The following PDE4D variants were observed in gnomAD, a reference collection of about 807,000 sequenced individuals.
PDE4D encodes 3',5'-cyclic-AMP phosphodiesterase 4D.
A neutral mutation model predicts 87.4 loss-of-function variants in PDE4D; 24 were observed. The ratio of observed to expected loss-of-function variants is 0.27; its 90% CI spans 0.20 to 0.39. The LOEUF (loss-of-function observed/expected upper bound fraction) is 0.39, where lower values mean the gene tolerates loss of function less well. PDE4D is among the 10% of genes least tolerant of loss of function. PDE4D has a pLI of 1.00. For missense variants in PDE4D, 714 were observed against 1,041.0 expected, an observed-to-expected ratio of 0.69 and a Z score of 4.32; for synonymous variants, 384 against 383.2, an observed-to-expected ratio of 1.00 and a Z score of -0.02.
chr5:60,282,111 C>A (rs1751969768), intron 1 of PDE4D, among the ~76,000 whole-genome samples: 1 of 151,158 alleles, frequency 6.6e-6, no homozygotes, highest in Admixed American at 6.6e-5. Flanking sequence ...ACAAGTAAGT[C>A]ATTATCATTC....
rs368836001 is a variant in PDE4D at position 58,978,416 on chromosome 5, AAAAAG to A, written c.1553-1076_1553-1072del. Among the ~76,000 whole-genome samples the A allele has an allele frequency of 3.0e-3, 462 of 152,326 alleles. 2 individuals carry two copies. Among genetic ancestry groups the A allele is most frequent in the African/African-American group, 8.5e-3 (355 of 41,582 alleles). On this transcript the variant is annotated intron_variant, in intron 11 of 14. Coordinates refer to ENST00000340635, the MANE Select transcript of PDE4D (RefSeq NM_001104631.2). Reference sequence around the variant, plus strand: ...AGGCAACAGAGCAAGACTCTGTTTCAAAAAGAAAAGAAAAGAAAAGAAAAAGGTTA... The same window carrying A: ...AGGCAACAGAGCAAGACTCTGTTTCAAAAAGAAAAGAAAAGAAAAAGGTTA...
intron 1 of PDE4D, among the ~76,000 whole-genome samples, chr5:60,378,178 G>T (rs893602085): frequency 6.6e-6 from 1 of 152,118 alleles, no homozygotes; most frequent in Non-Finnish European, 1.5e-5. Flanking sequence ...CAAATACACT[G>T]GTATTTCAAT....
At chr5:59,929,782 A>T (rs945400339) in intron 3 of PDE4D, among the ~76,000 whole-genome samples, 2 of 152,196 alleles carry the variant, frequency 1.3e-5, no homozygotes, top group Non-Finnish European at 2.9e-5. Flanking sequence ...GTTACTGCCT[A>T]AGACAAGCCC....
At chr5:59,674,490 T>C (rs1204976535) in intron 1 of PDE4D, among the ~76,000 whole-genome samples, 1 of 152,230 alleles carries the variant, frequency 6.6e-6, no homozygotes, top group Non-Finnish European at 1.5e-5. Context: ...ATTTAGAGTC[T>C]ATCTACCACA....
intron 3 of PDE4D, among the ~76,000 whole-genome samples, chr5:59,936,226 G>C (rs1215050138): frequency 2.6e-5 from 4 of 152,122 alleles, no homozygotes; most frequent in Non-Finnish European, 2.9e-5. Flanking sequence ...TAGGGGGAAG[G>C]GGGAGGGATA....
intron 1 of PDE4D, among the ~76,000 whole-genome samples, chr5:59,492,290 C>A (rs1054579291): frequency 6.6e-6 from 1 of 152,138 alleles, no homozygotes; most frequent in African/African-American, 2.4e-5. Flanking sequence ...GTAGAACATT[C>A]ACTAGAGAAT....
chr5:59,568,103 T>C (rs777184381), intron 1 of PDE4D, among the ~76,000 whole-genome samples: 4 of 152,172 alleles, frequency 2.6e-5, no homozygotes, highest in African/African-American at 9.7e-5. Flanking sequence ...GAAGGAGTTA[T>C]ATTGTTGATA....
In PDE4D at chr5:59,907,586, CTAAAA is replaced by C. The variant is rs1239283344; in HGVS notation, c.272+80897_272+80901del. The stretch of plus-strand genomic sequence containing the variant: ...CAAACCTGCACATGTACCCCTGAAC[CTAAAA>C]TAAAAGTTAAAAAAGAGAAAATACT... On this transcript the variant is annotated intron_variant, in intron 3 of 16. Coordinates refer to the PDE4D transcript ENST00000502484. 6.6e-5 allele frequency among the ~76,000 whole-genome samples: 10 copies of C among 152,174 alleles called. No homozygotes were observed. The South Asian group carries it at 1.5e-3, about 22-fold the overall frequency.
intron 2 of PDE4D, among the ~76,000 whole-genome samples, chr5:60,136,591 T>C (rs1780070734): frequency 6.6e-6 from 1 of 152,062 alleles, no homozygotes; most frequent in Non-Finnish European, 1.5e-5. Context: ...CTGGGTATCA[T>C]GTTATTTTTA....
chr5:59,833,779 A>AT (rs1741603465), intron 1 of PDE4D, among the ~76,000 whole-genome samples: 1 of 152,074 alleles, frequency 6.6e-6, no homozygotes, highest in Non-Finnish European at 1.5e-5. Context: ...TTACAGGATT[A>AT]TAAAAACCAC....
chr5:59,812,608 C>T lies in PDE4D; in HGVS notation c.455+80560G>A, dbSNP rs529049702. ...GAATGGCTTGAACCTGGGAGGCGGACGTTGCAGTGAGCCAAGATCGTGTCA... is the reference window on the plus strand; with the variant it reads ...GAATGGCTTGAACCTGGGAGGCGGATGTTGCAGTGAGCCAAGATCGTGTCA... On this transcript the variant is annotated intron_variant, in intron 1 of 14. Transcript: ENST00000340635. Among the ~76,000 whole-genome samples the T allele has an allele frequency of 4.0e-5, 6 of 151,334 alleles. No individual in the cohort carries two copies. The East Asian group carries it at 7.8e-4, about 20-fold the overall frequency.
intron 1 of PDE4D, among the ~76,000 whole-genome samples, chr5:59,816,457 G>C (rs1561707633): frequency 1.3e-5 from 2 of 152,268 alleles, no homozygotes; most frequent in East Asian, 3.9e-4. Flanking sequence ...ATGAGAGAAG[G>C]ATCCTGCCCT....
chr5:60,233,899 C>A (rs1562243871), intron 1 of PDE4D, among the ~76,000 whole-genome samples: 1 of 151,772 alleles, frequency 6.6e-6, no homozygotes, highest in Non-Finnish European at 1.5e-5. Flanking sequence ...ATGATCTTAA[C>A]CACTCCCCTG....
intron 1 of PDE4D, among the ~76,000 whole-genome samples, chr5:59,855,991 C>A (rs1309868167): frequency 6.6e-6 from 1 of 151,982 alleles, no homozygotes; most frequent in East Asian, 1.9e-4. Context: ...CAGCTTAGGA[C>A]TAGAGAATCT....
chr5:60,381,647 G>A (rs551084007), intron 1 of PDE4D, among the ~76,000 whole-genome samples: 1 of 152,172 alleles, frequency 6.6e-6, no homozygotes, highest in South Asian at 2.1e-4. Context: ...GAACTGGTGA[G>A]CTGGGAGGGT....
intron 1 of PDE4D, among the ~76,000 whole-genome samples, chr5:60,470,799 T>G (rs952996136): frequency 6.6e-6 from 1 of 152,198 alleles, no homozygotes; most frequent in Non-Finnish European, 1.5e-5. Context: ...AAAAGATTCC[T>G]TTCAAAATAT....
intron 1 of PDE4D, among the ~76,000 whole-genome samples, chr5:59,844,094 T>C (rs1322628896): frequency 2.6e-5 from 4 of 152,228 alleles, no homozygotes; most frequent in African/African-American, 9.6e-5. Flanking sequence ...AGCTAATTCC[T>C]GAGCTTGTTT....
intron 1 of PDE4D, among the ~76,000 whole-genome samples, chr5:60,398,737 A>T (rs1159640897): frequency 1.3e-5 from 2 of 152,152 alleles, no homozygotes; most frequent in Non-Finnish European, 2.9e-5. Context: ...TATTTACTAA[A>T]TACTTAATAT....
chr5:59,435,618 C>T (rs1204098287), intron 1 of PDE4D, among the ~76,000 whole-genome samples: 1 of 152,158 alleles, frequency 6.6e-6, no homozygotes. Flanking sequence ...GCTGTTCATG[C>T]ATTTACAACT....
Sources: allele counts gnomAD v4.1 joint callset (sites outside exome capture counted in the v4.1 genomes callset), GRCh38; gene constraint gnomAD v4.1.1; transcripts MANE v1.5; gene names NCBI Gene and HGNC (gene_info 2026-07-23, HGNC 2026-07-21).